The following GPATCH2 variants were observed in gnomAD, a reference collection of about 807,000 sequenced individuals.
The protein encoded by GPATCH2 is G-patch domain containing 2.
GPATCH2 carries 51 observed loss-of-function variants against 58.0 expected under a neutral mutation model. The observed-to-expected ratio is 0.88, with a 90% CI of 0.70 to 1.11. The LOEUF (loss-of-function observed/expected upper bound fraction) is 1.11. Ranked by LOEUF, GPATCH2 falls within the 50% of genes most tolerant of loss-of-function variation. GPATCH2 has a pLI of 0.00. For synonymous variants in GPATCH2, 222 were observed against 218.5 expected (o/e 1.02, Z -0.14); for missense variants, 625 against 652.2 (o/e 0.96, Z 0.45).
At chr1:217,621,111 T>C (rs1461363995) in intron 1 of GPATCH2, among the ~76,000 whole-genome samples, 1 of 152,180 alleles carries the variant, frequency 6.6e-6, no homozygotes, top group Non-Finnish European at 1.5e-5. Context: ...GCCTCACTGG[T>C]TTCAAAGGGC....
intron 5 of GPATCH2, among the ~76,000 whole-genome samples, chr1:217,604,886 G>C (rs1240149640): frequency 6.6e-6 from 1 of 152,060 alleles, no homozygotes; most frequent in Non-Finnish European, 1.5e-5. Flanking sequence ...ATTAGCTGGC[G>C]TGGTGGCAGG....
intron 5 of GPATCH2, among the ~76,000 whole-genome samples, chr1:217,571,721 C>CAAAAAAAAAAAAAAAAAAAAA (rs1558494034): frequency 3.5e-5 from 4 of 114,708 alleles, no homozygotes; most frequent in East Asian, 2.6e-4. Flanking sequence ...AAAAAAAAAA[C>CAAAAAAAAAAAAAAAAAAAAA]AAAAAAGAAG....
intron 8 of GPATCH2, among the ~76,000 whole-genome samples, chr1:217,460,996 CTT>C (rs1660174162): frequency 6.6e-6 from 1 of 152,162 alleles, no homozygotes; most frequent in Non-Finnish European, 1.5e-5. Flanking sequence ...TGTCCCATGA[CTT>C]TGCTTGTCGT....
rs139127582 is a variant in GPATCH2 at position 217,623,710 on chromosome 1, T to TG, written c.57-3212dup. Among the ~76,000 whole-genome samples the TG allele has an allele frequency of 8.1e-3, 1,234 of 152,136 alleles. 9 individuals carry two copies. Among genetic ancestry groups the TG allele is most frequent in the African/African-American group, 0.026 (1,098 of 41,516 alleles). ...TGAGGTCAGGAATTTGAGACCAGCTTGGCCAACATGGTGAAACCCCATCCC... is the reference window on the plus strand; with the variant it reads ...TGAGGTCAGGAATTTGAGACCAGCTTGGGCCAACATGGTGAAACCCCATCCC... On this transcript the variant is annotated intron_variant, in intron 1 of 9. Transcript: ENST00000366935.
intron 8 of GPATCH2, among the ~76,000 whole-genome samples, chr1:217,476,385 T>C (rs1660971692): frequency 6.6e-6 from 1 of 152,022 alleles, no homozygotes; most frequent in Non-Finnish European, 1.5e-5. Context: ...AACAACTATC[T>C]ACACAAAGAA....
chr1:217,589,250 G>A (rs975871169), intron 5 of GPATCH2, among the ~76,000 whole-genome samples: 6 of 140,054 alleles, frequency 4.3e-5, no homozygotes, highest in African/African-American at 1.3e-4. Flanking sequence ...ACCACGGCCC[G>A]CCCATCCCTC....
At chr1:217,509,529 G>C (rs555445814) in intron 6 of GPATCH2, among the ~76,000 whole-genome samples, 2 of 152,258 alleles carry the variant, frequency 1.3e-5, no homozygotes, top group Admixed American at 1.3e-4. Context: ...TCTCTGAACT[G>C]AGCCTTTCTG....
At chr1:217,499,912 A>G (rs931764630) in intron 6 of GPATCH2, among the ~76,000 whole-genome samples, 2 of 152,118 alleles carry the variant, frequency 1.3e-5, no homozygotes, top group African/African-American at 2.4e-5. Context: ...GTTTAATGCT[A>G]TATTTCTAAA....
chr1:217,620,644 A>G (rs1357825936), intron 1 of GPATCH2, 145 bp from the exon 2 acceptor site: 2 of 582,470 alleles, frequency 3.4e-6, no homozygotes, highest in African/African-American at 1.9e-5. Flanking sequence ...CCAAGATATT[A>G]CAGTTTTAAA....
intron 5 of GPATCH2, among the ~76,000 whole-genome samples, chr1:217,606,942 T>TG (rs1668387151): frequency 6.6e-6 from 1 of 152,100 alleles, no homozygotes; most frequent in African/African-American, 2.4e-5. Flanking sequence ...ACGACACTTA[T>TG]GCAAAAGTAA....
At chr1:217,521,794 TA>T (rs942074817) in intron 5 of GPATCH2, among the ~76,000 whole-genome samples, 7 of 149,928 alleles carry the variant, frequency 4.7e-5, no homozygotes, top group Non-Finnish European at 7.4e-5. Context: ...AGGTTTTGTT[TA>T]AAAAAAAAAT....
chr1:217,607,142 C>T (rs994075151), intron 5 of GPATCH2, among the ~76,000 whole-genome samples: 1 of 152,076 alleles, frequency 6.6e-6, no homozygotes, highest in Non-Finnish European at 1.5e-5. Flanking sequence ...ATTTTTAAGT[C>T]GGCCTGCCTG....
At chr1:217,553,804 G>A (rs760154425) in intron 5 of GPATCH2, among the ~76,000 whole-genome samples, 6 of 152,140 alleles carry the variant, frequency 3.9e-5, no homozygotes, top group Non-Finnish European at 8.8e-5. Flanking sequence ...GCTCAGTTTT[G>A]TGAAATACAA....
chr1:217,582,723 A>G (rs1667131243), intron 5 of GPATCH2, among the ~76,000 whole-genome samples: 2 of 152,254 alleles, frequency 1.3e-5, no homozygotes, highest in South Asian at 4.1e-4. Flanking sequence ...TGACAGGTAT[A>G]TAAACAATTC....
intron 6 of GPATCH2, among the ~76,000 whole-genome samples, chr1:217,506,590 G>A (rs191644459): frequency 6.8e-4 from 104 of 152,216 alleles, no homozygotes; most frequent in Non-Finnish European, 1.2e-3. Flanking sequence ...AAATTGACAG[G>A]GAGTTCATTC....
intron 6 of GPATCH2, among the ~76,000 whole-genome samples, chr1:217,513,981 C>A (rs12120492): frequency 0.57 from 86,905 of 151,146 alleles, 26,233 homozygotes; most frequent in East Asian, 0.84. Context: ...TGCGCCACCA[C>A]GACCAGCTAA....
chr1:217,452,671 C>T (rs1195189756), intron 8 of GPATCH2, among the ~76,000 whole-genome samples: 1 of 152,124 alleles, frequency 6.6e-6, no homozygotes, highest in Non-Finnish European at 1.5e-5. Flanking sequence ...CTCTTCTAAA[C>T]CTTTTTTTTT....
intron 5 of GPATCH2, among the ~76,000 whole-genome samples, chr1:217,515,581 G>A (rs1352875931): frequency 2.0e-5 from 3 of 151,930 alleles, no homozygotes; most frequent in Admixed American, 6.6e-5. Flanking sequence ...GGTGGCACAC[G>A]TCTGTAATCC....
chr1:217,528,997 C>T (rs1177570675), intron 5 of GPATCH2, among the ~76,000 whole-genome samples: 4 of 152,108 alleles, frequency 2.6e-5, no homozygotes, highest in African/African-American at 9.7e-5. Context: ...GTGTTCAGTC[C>T]AGACCAGCTA....
Sources: gnomAD v4.1 joint callset for allele counts (sites outside exome capture counted in the v4.1 genomes callset) on GRCh38, gnomAD v4.1.1 for gene constraint, MANE v1.5 for transcripts, NCBI Gene and HGNC (gene_info 2026-07-23, HGNC 2026-07-21) for gene names.